Variants in RAB6A observed in about 807,000 individuals in gnomAD.
RAB6A encodes the protein RAB6A, member RAS oncogene family, also known as ras-related protein Rab-6A.
RAB6A carries 8 observed loss-of-function variants against 32.3 expected under a neutral mutation model. That is an observed-to-expected ratio of 0.25 (90% CI 0.15 to 0.45). The LOEUF is 0.45. Ranked by LOEUF, RAB6A falls within the 20% of genes least tolerant of loss-of-function variation. The pLI, the probability that RAB6A is intolerant of heterozygous loss-of-function variation, is 1.00. For missense variants in RAB6A, 104 were observed against 249.4 expected (o/e 0.42, Z 3.93); for synonymous variants, 73 against 82.1 (o/e 0.89, Z 0.60).
At chr11:73,739,162 T>C (rs1946448009) in intron 1 of RAB6A, among the ~76,000 whole-genome samples, 1 of 146,170 alleles carries the variant, frequency 6.8e-6, no homozygotes, top group South Asian at 2.2e-4. Flanking sequence ...CAAGAATCGC[T>C]TGAACCTGGG....
chr11:73,739,714 G>C (rs924886573), intron 1 of RAB6A, among the ~76,000 whole-genome samples: 11 of 152,144 alleles, frequency 7.2e-5, no homozygotes, highest in Middle Eastern at 3.4e-3. Flanking sequence ...ATATACTCTT[G>C]AAGGATACCT....
At chr11:73,728,180 T>C (rs916862318) in intron 2 of RAB6A, among the ~76,000 whole-genome samples, 2 of 152,210 alleles carry the variant, frequency 1.3e-5, no homozygotes, top group African/African-American at 2.4e-5. Context: ...GTTTGTTCTT[T>C]GATTTTTGGT....
chr11:73,723,628 C>T (rs953737562), intron 2 of RAB6A, among the ~76,000 whole-genome samples: 1 of 151,990 alleles, frequency 6.6e-6, no homozygotes, highest in South Asian at 2.1e-4. Flanking sequence ...TGCGCCTGGC[C>T]GAAAGAAATA....
At chr11:73,731,705 TATATATATATATATATATATATATATAC>T (rs1463091582) in intron 1 of RAB6A, among the ~76,000 whole-genome samples, 7 of 13,712 alleles carry the variant, frequency 5.1e-4, no homozygotes, top group Non-Finnish European at 6.0e-4. Context: ...TATATATATA[TATATATATATATATATATATATATATAC>T]ACACACACAC....
At chr11:73,687,878 G>A (rs1248125906) in intron 6 of RAB6A, among the ~76,000 whole-genome samples, 2 of 152,000 alleles carry the variant, frequency 1.3e-5, no homozygotes, top group African/African-American at 2.4e-5. Flanking sequence ...AAGAAGTCAC[G>A]GATGTTACCT....
At chr11:73,711,555 C>T (rs1048288480) in intron 5 of RAB6A, among the ~76,000 whole-genome samples, 2 of 152,128 alleles carry the variant, frequency 1.3e-5, no homozygotes, top group Admixed American at 6.5e-5. Flanking sequence ...ACAAATAGTG[C>T]TAGGTATTAC....
intron 1 of RAB6A, among the ~76,000 whole-genome samples, chr11:73,731,776 T>A (rs1420273157): frequency 6.8e-6 from 1 of 146,134 alleles, no homozygotes; most frequent in East Asian, 2.0e-4. Flanking sequence ...ACAGTCTCGC[T>A]CTGTTGCCAG....
intron 1 of RAB6A, among the ~76,000 whole-genome samples, chr11:73,740,211 C>T (rs58148519): frequency 0.011 from 1,640 of 151,764 alleles, 24 homozygotes; most frequent in African/African-American, 0.035. Flanking sequence ...TTACTTTTTC[C>T]CACAAAAAAA....
At chr11:73,690,648 G>C (rs1240639678) in intron 6 of RAB6A, among the ~76,000 whole-genome samples, 1 of 144,730 alleles carries the variant, frequency 6.9e-6, no homozygotes, top group Admixed American at 7.0e-5. Flanking sequence ...GGAGAGAAGA[G>C]ACACCGGAGG....
At chr11:73,754,991 T>G (rs1946725687) in intron 1 of RAB6A, among the ~76,000 whole-genome samples, 1 of 151,956 alleles carries the variant, frequency 6.6e-6, no homozygotes, top group Non-Finnish European at 1.5e-5. Flanking sequence ...GGCGTGATCT[T>G]GGCTCACTGC....
intron 1 of RAB6A, among the ~76,000 whole-genome samples, chr11:73,755,573 G>T (rs1405019709): frequency 6.6e-6 from 1 of 152,134 alleles, no homozygotes; most frequent in Admixed American, 6.6e-5. Context: ...GATTATAGGC[G>T]TGAGCCACCG....
intron 1 of RAB6A, among the ~76,000 whole-genome samples, chr11:73,740,782 G>T (rs906059234): frequency 3.3e-5 from 5 of 151,938 alleles, no homozygotes; most frequent in Non-Finnish European, 7.4e-5. Flanking sequence ...AGCTACTCGG[G>T]GGGGCTGAGG....
chr11:73,746,943 T>C (rs1159441639), intron 1 of RAB6A, among the ~76,000 whole-genome samples: 2 of 152,162 alleles, frequency 1.3e-5, no homozygotes, highest in East Asian at 1.9e-4. Flanking sequence ...TTTTTTGTTG[T>C]TGTTGTTTTT....
At chr11:73,717,077 G>T (rs1346039990) in intron 4 of RAB6A, among the ~76,000 whole-genome samples, 2 of 152,168 alleles carry the variant, frequency 1.3e-5, no homozygotes, top group African/African-American at 4.8e-5. Flanking sequence ...TACAAAACGT[G>T]TCAATGCACA....
At chr11:73,743,202 G>C (rs1946527271) in intron 1 of RAB6A, among the ~76,000 whole-genome samples, 1 of 151,682 alleles carries the variant, frequency 6.6e-6, no homozygotes, top group Non-Finnish European at 1.5e-5. Context: ...CTACTCCAGA[G>C]GCTGAGGCAG....
intron 1 of RAB6A, among the ~76,000 whole-genome samples, chr11:73,744,747 C>A (rs1221484664): frequency 6.6e-6 from 1 of 151,990 alleles, no homozygotes; most frequent in Non-Finnish European, 1.5e-5. Flanking sequence ...GAGGCCGAGG[C>A]GGGCAGGTCA....
chr11:73,690,029 A>G (rs1945524722), intron 6 of RAB6A, among the ~76,000 whole-genome samples: 1 of 152,178 alleles, frequency 6.6e-6, no homozygotes, highest in African/African-American at 2.4e-5. Context: ...TTCTTTTCAC[A>G]TGGTGTAAGG....
intron 1 of RAB6A, among the ~76,000 whole-genome samples, chr11:73,744,703 G>A (rs887208488): frequency 1.3e-5 from 2 of 152,130 alleles, no homozygotes; most frequent in African/African-American, 2.4e-5. Context: ...GGGGCTGGGC[G>A]CGGTGGCTTA....
Position 73,722,327 on chromosome 11 carries a change from ATATATATATATATATATTTTTT to A in RAB6A, c.130-1450_130-1429del, listed in dbSNP as rs1163150993. The A allele has an allele frequency of 5.1e-3, 61 of 11,964 alleles. 4 individuals are homozygous for A. Among genetic ancestry groups the A allele is most frequent in the African/African-American group, 0.016 (61 of 3,814 alleles). The allele number at this position is 11,964 out of a possible 1,614,324, so 0.7% of individuals were successfully genotyped here. ...TGTGTATATATATATATATATATAT[ATATATATATATATATATTTTTT>A]TTTTTTTTTTTTTTTTTTGAGACAG... On this transcript the variant is annotated intron_variant, in intron 2 of 7. Coordinates refer to ENST00000336083, the MANE Select transcript of RAB6A (RefSeq NM_198896.2).
Sources: allele counts gnomAD v4.1 joint callset (sites outside exome capture counted in the v4.1 genomes callset), GRCh38; gene constraint gnomAD v4.1.1; transcripts MANE v1.5; gene names NCBI Gene and HGNC (gene_info 2026-07-23, HGNC 2026-07-21).